DYNC2I1: variants seen among roughly 807,000 people sequenced by gnomAD.
DYNC2I1 encodes the protein dynein 2 intermediate chain 1.
In DYNC2I1, 89 loss-of-function variants were observed where a neutral mutation model predicts 133.4. The ratio of observed to expected loss-of-function variants is 0.67; its 90% CI spans 0.56 to 0.80. The LOEUF is 0.80. Among genes scored for constraint, DYNC2I1 ranks in the 30% least tolerant of loss-of-function variants. The pLI, the probability that DYNC2I1 is intolerant of heterozygous loss-of-function variation, is 0.00. For synonymous variants in DYNC2I1, 504 were observed against 484.3 expected (o/e 1.04, Z -0.54); for missense variants, 1,291 against 1,314.5 (o/e 0.98, Z 0.28).
At chr7:158,851,104 CTGAGTT>C in the DYNC2I1 span, among the ~76,000 whole-genome samples, 1 of 152,124 alleles carries the variant, frequency 6.6e-6, no homozygotes, top group South Asian at 2.1e-4. Context: ...ATTTACCTTT[CTGAGTT>C]TGACTAAATT....
chr7:158,842,537 T>A, the DYNC2I1 span, among the ~76,000 whole-genome samples: 1 of 152,248 alleles, frequency 6.6e-6, no homozygotes, highest in Non-Finnish European at 1.5e-5. Context: ...TATGGCATGA[T>A]AATTAAATGA....
chr7:158,903,836 A>G (rs1846481843), intron 10 of DYNC2I1: 1 of 152,182 alleles, frequency 6.6e-6, no homozygotes, highest in Non-Finnish European at 1.5e-5. Context: ...CAGATCTTTG[A>G]ATAACCTTTT....
chr7:158,874,841 G>A (rs1049863074), intron 3 of DYNC2I1, among the ~76,000 whole-genome samples: 2 of 152,132 alleles, frequency 1.3e-5, no homozygotes, highest in African/African-American at 2.4e-5. Flanking sequence ...TAATACAAAC[G>A]CAGTGTACCC....
chr7:158,927,043 G>A lies in DYNC2I1; in HGVS notation c.2485G>A (p.Gly829Ser), dbSNP rs1470617186. 6.3e-7 allele frequency: 1 copy of A among 1,593,506 alleles called. No individual in the cohort carries two copies. Among genetic ancestry groups the A allele is most frequent in the Non-Finnish European group, 8.6e-7 (1 of 1,168,064 alleles). Residue 829 changes from glycine (G) to serine (S), a missense_variant and splice_region_variant, in exon 20 of 25, where the codon GGT (glycine) becomes AGT (serine). By Grantham distance (56) the Gly-to-Ser change is moderately conservative. Transcript: ENST00000407559. ...CATCGCAGGTTCAATAAGTGATTTAGGTAACTATTAAGTAAAAAAATTAAT... is the reference window on the plus strand; with the variant it reads ...CATCGCAGGTTCAATAAGTGATTTAAGTAACTATTAAGTAAAAAAATTAAT... Reference protein sequence around the residue: ...ADIAGSISDLGLMPGGRVKLV... With the variant: ...ADIAGSISDLSLMPGGRVKLV...
intron 8 of DYNC2I1, among the ~76,000 whole-genome samples, chr7:158,894,240 G>T (rs1052766738): frequency 8.6e-5 from 13 of 151,876 alleles, no homozygotes; most frequent in African/African-American, 3.1e-4. Context: ...ATATCGTACT[G>T]CATGTCACAC....
the DYNC2I1 span, among the ~76,000 whole-genome samples, chr7:158,839,557 C>G: frequency 6.6e-6 from 1 of 152,164 alleles, no homozygotes; most frequent in Non-Finnish European, 1.5e-5. Flanking sequence ...CGGTGGTTCA[C>G]GCCTGTAATC....
intron 1 of DYNC2I1, among the ~76,000 whole-genome samples, chr7:158,859,070 A>G (rs897017284): frequency 2.9e-5 from 4 of 138,016 alleles, no homozygotes; most frequent in Admixed American, 2.3e-4. Context: ...CTCACAGCTC[A>G]CTGCAGCCTA....
chr7:158,945,747 G>A lies in DYNC2I1; in HGVS notation c.3169G>A (p.Ala1057Thr), dbSNP rs1162389472. 13 of 1,589,528 alleles carry A rather than the reference G, an allele frequency of 8.2e-6. No individual in the cohort carries two copies. Among genetic ancestry groups the A allele is most frequent in the African/African-American group, 1.3e-5 (1 of 74,178 alleles). The part of the protein sequence containing the change: ...CNRLRLLLQE[A>T]LWPEGKLHK ...CAGGCTGCGTCTGCTTTTGCAGGAAGCCCTGTGGCCAGAGGGAAAACTGCA... is the reference window on the plus strand; with the variant it reads ...CAGGCTGCGTCTGCTTTTGCAGGAAACCCTGTGGCCAGAGGGAAAACTGCA... Residue 1057 changes from alanine to threonine, a missense_variant, in exon 25 of 25, where the codon GCC becomes ACC. By Grantham distance (58) the Ala-to-Thr change is moderately conservative. Coordinates refer to ENST00000407559, the MANE Select transcript of DYNC2I1 (RefSeq NM_018051.5). The surrounding 1 kb of genome is among the most constrained non-coding windows in gnomAD (Gnocchi z 4.1).
chr7:158,881,887 A>C (rs1844068784), intron 5 of DYNC2I1, among the ~76,000 whole-genome samples: 1 of 152,214 alleles, frequency 6.6e-6, no homozygotes, highest in African/African-American at 2.4e-5. Context: ...CCCATAACTT[A>C]GACTCCGCTA....
At chr7:158,851,696 A>T (rs1392724675), upstream of DYNC2I1, among the ~76,000 whole-genome samples, 1 of 152,206 alleles carries the variant, frequency 6.6e-6, no homozygotes, top group Non-Finnish European at 1.5e-5. Flanking sequence ...CTTTATTAGA[A>T]AAGGAGGGCT....
At chr7:158,916,482 A>G (rs1233081820) in intron 14 of DYNC2I1, among the ~76,000 whole-genome samples, 1 of 67,666 alleles carries the variant, frequency 1.5e-5, no homozygotes, top group African/African-American at 5.1e-5. Flanking sequence ...TGAAACGTCT[A>G]CATGCTGGTT....
chr7:158,909,647 G>A (rs1279677922), intron 11 of DYNC2I1, among the ~76,000 whole-genome samples: 1 of 152,166 alleles, frequency 6.6e-6, no homozygotes, highest in African/African-American at 2.4e-5. Context: ...CCAGCTGATT[G>A]AATATACCGG....
chr7:158,907,563 T>TCCTTTC (rs369465854), intron 11 of DYNC2I1, among the ~76,000 whole-genome samples: 1 of 151,854 alleles, frequency 6.6e-6, no homozygotes, highest in Admixed American at 6.6e-5. Context: ...CTTTCCCTTT[T>TCCTTTC]CCTTTCCCTT....
At chr7:158,914,938 A>G (rs936303678) in intron 14 of DYNC2I1, among the ~76,000 whole-genome samples, 1 of 152,276 alleles carries the variant, frequency 6.6e-6, no homozygotes, top group African/African-American at 2.4e-5. Context: ...TAATGCAGTC[A>G]GATATGAAGT....
chr7:158,860,276 C>G (rs1841757924), intron 1 of DYNC2I1, among the ~76,000 whole-genome samples: 1 of 152,128 alleles, frequency 6.6e-6, no homozygotes, highest in African/African-American at 2.4e-5. Context: ...CCAGGCTGGT[C>G]TGGAACTCCT....
chr7:158,857,182 G>T (rs904454583), intron 1 of DYNC2I1, among the ~76,000 whole-genome samples: 2 of 152,344 alleles, frequency 1.3e-5, no homozygotes, highest in Admixed American at 1.3e-4. Context: ...GCTTGAGTTT[G>T]AATTCAGGAT....
intron 11 of DYNC2I1, among the ~76,000 whole-genome samples, chr7:158,909,704 A>C (rs749770757): frequency 3.3e-5 from 5 of 152,206 alleles, no homozygotes; most frequent in Middle Eastern, 3.2e-3. Context: ...CCTGGAAAGA[A>C]GGGAAACATG....
At chr7:158,923,335 C>T (rs961012815) in intron 16 of DYNC2I1, among the ~76,000 whole-genome samples, 1 of 152,118 alleles carries the variant, frequency 6.6e-6, no homozygotes, top group Non-Finnish European at 1.5e-5. Context: ...CAGCACCTTG[C>T]GTTTGTGATC....
rs780061154 is a variant in DYNC2I1 at position 158,884,582 on chromosome 7, C to G, written c.898C>G (p.Arg300Gly). 6.2e-7 allele frequency: 1 copy of G among 1,612,086 alleles called. No individual in the cohort carries two copies. The highest frequency in any genetic ancestry group is 8.5e-7 in the Non-Finnish European group (1 of 1,179,072). Residue 300 changes from arginine (R) to glycine (G), a missense_variant, in exon 6 of 25, where the codon CGA becomes GGA. Coordinates refer to ENST00000407559, the MANE Select transcript of DYNC2I1 (RefSeq NM_018051.5). Reference protein sequence around the residue: ...RESQNGEHRNRGASSKRDGTS... With the variant: ...RESQNGEHRNGGASSKRDGTS... ...TTGATAGAATGGTGAACACAGAAAT[C>G]GAGGTGCAAGCTCAAAAAGAGATGG...
Sources: allele counts gnomAD v4.1 joint callset (sites outside exome capture counted in the v4.1 genomes callset), GRCh38; gene constraint gnomAD v4.1.1; non-coding constraint Gnocchi (gnomAD v3.1); transcripts MANE v1.5; gene names NCBI Gene and HGNC (gene_info 2026-07-23, HGNC 2026-07-21).